GSTP1: variants seen among roughly 807,000 people sequenced by gnomAD.
The protein encoded by GSTP1 is glutathione S-transferase P.
In GSTP1, 28 loss-of-function variants were observed where a neutral mutation model predicts 29.4. The ratio of observed to expected loss-of-function variants is 0.95; its 90% CI spans 0.71 to 1.30. The LOEUF is 1.30. Ranked by LOEUF, GSTP1 falls within the 50% of genes most tolerant of loss-of-function variation. The pLI, the probability that GSTP1 is intolerant of heterozygous loss-of-function variation, is 0.00. For missense variants in GSTP1, 267 were observed against 266.1 expected (o/e 1.00, Z -0.02); for synonymous variants, 122 against 117.0 (o/e 1.04, Z -0.28).
rs373014884 is a variant in GSTP1 at position 67,584,737 on chromosome 11, C to T, written c.197C>T (p.Ser66Phe). 7.4e-6 allele frequency: 12 copies of T among 1,613,462 alleles called. No homozygotes were observed. The African/African-American group carries it at 1.6e-4, about 22-fold the overall frequency. The change falls in exon 4 of 7, where the codon TCC becomes TTC. Residue 66 changes from serine (S) to phenylalanine (F), a missense_variant. By Grantham distance (155) the Ser-to-Phe change is radical. Coordinates refer to ENST00000398606, the MANE Select transcript of GSTP1 (RefSeq NM_000852.4). The stretch of plus-strand genomic sequence containing the variant: ...GACGGAGACCTCACCCTGTACCAGT[C>T]CAATACCATCCTGCGTCACCTGGGC... The part of the protein sequence containing the change: ...FQDGDLTLYQ[S>F]NTILRHLGRT...
rs758749778 is a variant in GSTP1 at position 67,586,152 on chromosome 11, C to T, written c.385C>T (p.Pro129Ser). 6.2e-7 allele frequency: 1 copy of T among 1,613,968 alleles called. No individual in the cohort carries two copies. Among genetic ancestry groups the T allele is most frequent in the South Asian group, 1.1e-5 (1 of 91,064 alleles). Residue 129 changes from proline to serine, a missense_variant, in exon 6 of 7, where the codon CCT (proline) becomes TCT (serine). Transcript: ENST00000398606. ...GAAGGCACTGCCCGGGCAACTGAAG[C>T]CTTTTGAGACCCTGCTGTCCCAGAA... Reference protein sequence around the residue: ...YVKALPGQLKPFETLLSQNQG... With the variant: ...YVKALPGQLKSFETLLSQNQG...
intron 5 of GSTP1, among the ~76,000 whole-genome samples, chr11:67,585,662 T>TGTGCAC (rs1565218709): frequency 1.3e-5 from 2 of 150,542 alleles, no homozygotes; most frequent in African/African-American, 2.5e-5. Context: ...AGGCAGCGTG[T>TGTGCAC]GTGCGCGTGC....
intron 4 of GSTP1, 54 bp downstream of exon 4, chr11:67,584,826 G>A: frequency 3.8e-6 from 5 of 1,303,958 alleles, no homozygotes; most frequent in South Asian, 3.5e-5. Context: ...TCTGCCCCCG[G>A]AGCCCTTTTG....
At chr11:67,584,319 A>C (rs2134393315) in intron 2 of GSTP1, 145 bp from the exon 3 acceptor site, 1 of 727,046 alleles carries the variant, frequency 1.4e-6, no homozygotes, top group East Asian at 2.7e-5. Context: ...CTCTCCCGCC[A>C]TGCCTGCTCC....
chr11:67,586,478 A>G lies in GSTP1; in HGVS notation c.534A>G (p.Ser178=). 1.2e-6 allele frequency: 2 copies of G among 1,614,138 alleles called. No homozygotes were observed. The highest frequency in any genetic ancestry group is 1.7e-6 in the Non-Finnish European group (2 of 1,179,992). The change falls in exon 7 of 7, where the codon TCA becomes TCG. Residue 178 remains serine (S), a synonymous_variant. Coordinates refer to ENST00000398606, the MANE Select transcript of GSTP1 (RefSeq NM_000852.4). ...GCCTGGATGCGTTCCCCCTGCTCTCAGCATATGTGGGGCGCCTCAGTGCCC... is the reference window on the plus strand; with the variant it reads ...GCCTGGATGCGTTCCCCCTGCTCTCGGCATATGTGGGGCGCCTCAGTGCCC... ...PGCLDAFPLL[S]AYVGRLSARP...
intron 5 of GSTP1, among the ~76,000 whole-genome samples, chr11:67,585,509 TCC>T (rs1867452999): frequency 6.6e-6 from 1 of 152,148 alleles, no homozygotes; most frequent in East Asian, 1.9e-4. Context: ...GTTTCTGATC[TCC>T]TGGGGTGGCG....
chr11:67,585,662 T>TGTGTGC (rs111237844), intron 5 of GSTP1, among the ~76,000 whole-genome samples: 66 of 150,656 alleles, frequency 4.4e-4, no homozygotes, highest in African/African-American at 1.6e-3. Context: ...AGGCAGCGTG[T>TGTGTGC]GTGCGCGTGC....
chr11:67,585,717 C>T (rs866077050), intron 5 of GSTP1, among the ~76,000 whole-genome samples: 5 of 151,950 alleles, frequency 3.3e-5, no homozygotes, highest in Middle Eastern at 6.8e-3. Context: ...GCATTTGTGT[C>T]GGGTGGGTAA....
At chr11:67,585,910 A>T (rs743679) in intron 5 of GSTP1, among the ~76,000 whole-genome samples, 194 bp from the exon 6 acceptor site, 6,151 of 152,054 alleles carry the variant, frequency 0.04, 403 homozygotes, top group African/African-American at 0.14. Flanking sequence ...TGGTGAGAGA[A>T]CCCAGCAAGG....
chr11:67,585,694 T>TGTGC, intron 5 of GSTP1, among the ~76,000 whole-genome samples: 1 of 151,792 alleles, frequency 6.6e-6, no homozygotes, highest in Non-Finnish European at 1.5e-5. Context: ...TGTGCGTGTG[T>TGTGC]GTGTGTACGC....
intron 3 of GSTP1, 23 bp downstream of exon 3, chr11:67,584,593 G>C (rs1591099516): frequency 1.9e-6 from 3 of 1,580,012 alleles, no homozygotes; most frequent in East Asian, 4.5e-5. Flanking sequence ...GCCCGGGCAA[G>C]GGGAGGGGGT....
At position 67,584,136 on chromosome 11, in the gene GSTP1, C is replaced by A; in HGVS notation, c.4C>A (p.Pro2Thr). ...AAACTTTTCTTTGTTCGCTGCAGTG[C>A]CGCCCTACACCGTGGTCTATTTCCC... M[P>T]PYTVVYFPVR... Residue 2 changes from proline (P) to threonine (T), a missense_variant and splice_region_variant, in exon 2 of 7, where the codon CCG becomes ACG. Pro to Thr is a conservative substitution (Grantham distance 38, BLOSUM62 -1). Coordinates refer to ENST00000398606, the MANE Select transcript of GSTP1 (RefSeq NM_000852.4). 1 of 1,612,348 alleles carries A rather than the reference C, an allele frequency of 6.2e-7. No individual in the cohort carries two copies. The highest frequency in any genetic ancestry group is 8.5e-7 in the Non-Finnish European group (1 of 1,178,514).
At position 67,584,058 on chromosome 11, in the gene GSTP1, A is replaced by AGG. The variant is rs8191443; in HGVS notation, c.2-70_2-69dup. 1.4e-3 allele frequency: 1,637 copies of AGG among 1,173,024 alleles called. 5 individuals are homozygous for AGG. The highest frequency in any genetic ancestry group is 3.5e-3 in the Middle Eastern group (13 of 3,664). The allele number at this position is 1,173,024 out of a possible 1,614,324, so 72.7% of individuals were successfully genotyped here. A position where few individuals can be genotyped will look rare whatever the true frequency, so the allele number is the denominator to read the frequency against. On this transcript the variant is annotated intron_variant, in intron 1 of 6. Coordinates refer to ENST00000398606, the MANE Select transcript of GSTP1 (RefSeq NM_000852.4). ...GAGGGATGGGACCCCGGGGGCGGGGAGGGGGGGCAGACTGCGCTCACCGCG... is the reference window on the plus strand; with the variant it reads ...GAGGGATGGGACCCCGGGGGCGGGGAGGGGGGGGGCAGACTGCGCTCACCGCG...
Position 67,585,315 on chromosome 11 carries a change from AC to A in GSTP1, c.336+78del, listed in dbSNP as rs934164613. The A allele has an allele frequency of 3.8e-6, 4 of 1,051,922 alleles. No individual in the cohort carries two copies. In the African/African-American group the frequency reaches 6.2e-5, roughly 16 times the overall value. The allele number at this position is 1,051,922 out of a possible 1,614,324, so 65.2% of individuals were successfully genotyped here. A position where few individuals can be genotyped will look rare whatever the true frequency, so the allele number is the denominator to read the frequency against. Reference sequence around the variant, plus strand: ...GGCTTCTTGTGCCCTCACCCCCCTTACCCCTCAGGTGGCTTGGGCTGACCCC... The same window carrying A: ...GGCTTCTTGTGCCCTCACCCCCCTTACCCTCAGGTGGCTTGGGCTGACCCC... On this transcript the variant is annotated intron_variant, in intron 5 of 6. Coordinates refer to ENST00000398606, the MANE Select transcript of GSTP1 (RefSeq NM_000852.4).
chr11:67,586,243 C>T (rs751937779), intron 6 of GSTP1, 32 bp downstream of exon 6: 50 of 1,555,864 alleles, frequency 3.2e-5, no homozygotes, highest in African/African-American at 1.5e-4. Context: ...GTTCCTTCCT[C>T]GCCACCCTCT....
In GSTP1 at chr11:67,584,157, T is replaced by A; in HGVS notation, c.25T>A (p.Phe9Ile). ...AGTGCCGCCCTACACCGTGGTCTAT[T>A]TCCCAGTTCGAGGTAGGAGCATGTG... The part of the protein sequence containing the change: MPPYTVVY[F>I]PVRGRCAALR... The change falls in exon 2 of 7, where the codon TTC becomes ATC. Residue 9 changes from phenylalanine to isoleucine, a missense_variant. Transcript: ENST00000398606. 1 of 1,613,096 alleles carries A rather than the reference T, an allele frequency of 6.2e-7. No homozygotes were observed. The highest frequency in any genetic ancestry group is 1.1e-5 in the South Asian group (1 of 91,064).
rs1031305330 is a variant in GSTP1, at chr11:67,586,614, C to T, written c.*37C>T. The stretch of plus-strand genomic sequence containing the variant: ...ACTCTGAGCGGGAGGCAGAGTTTGC[C>T]TTCCTTTCTCCAGGACCAATAAAAT... On this transcript the variant is annotated 3_prime_UTR_variant, in exon 7 of 7. Coordinates refer to ENST00000398606, the MANE Select transcript of GSTP1 (RefSeq NM_000852.4). The T allele has an allele frequency of 2.6e-6, 4 of 1,547,822 alleles. No individual in the cohort carries two copies. The highest frequency in any genetic ancestry group is 2.7e-5 in the African/African-American group (2 of 73,096).
At chr11:67,583,917 G>A (rs529445521) in intron 1 of GSTP1, 73 bp downstream of exon 1, 11 of 682,810 alleles carry the variant, frequency 1.6e-5, no homozygotes, top group Middle Eastern at 3.8e-4. Context: ...CGCAGCATCA[G>A]GCCCGGGCTC....
At position 67,583,856 on chromosome 11, in the gene GSTP1, C is replaced by A; in HGVS notation, c.1+12C>A. The A allele has an allele frequency of 1.3e-6, 1 of 745,870 alleles. No individual in the cohort carries two copies. Among genetic ancestry groups the A allele is most frequent in the Non-Finnish European group, 2.5e-6 (1 of 404,372 alleles). 46.2% of individuals were successfully genotyped at this position (745,870 alleles called of 1,614,324 possible). A position where few individuals can be genotyped will look rare whatever the true frequency, so the allele number is the denominator to read the frequency against. On this transcript the variant is annotated intron_variant, in intron 1 of 6. Transcript: ENST00000398606. Reference sequence around the variant, plus strand: ...AGTCTTCGCCACCAGTGAGTACGCGCGGCCCGCGTCCCCGGGGATGGGGCT... The same window carrying A: ...AGTCTTCGCCACCAGTGAGTACGCGAGGCCCGCGTCCCCGGGGATGGGGCT...
Sources: allele counts gnomAD v4.1 joint callset (sites outside exome capture counted in the v4.1 genomes callset), GRCh38; gene constraint gnomAD v4.1.1; transcripts MANE v1.5; gene names NCBI Gene and HGNC (gene_info 2026-07-23, HGNC 2026-07-21).